RIMBP2: variants seen among roughly 807,000 people sequenced by gnomAD.
The protein encoded by RIMBP2 is RIMS binding protein 2, also known as RIMS-binding protein 2.
In RIMBP2, 48 loss-of-function variants were observed where a neutral mutation model predicts 118.6. That is an observed-to-expected ratio of 0.40 (90% CI 0.32 to 0.51). The LOEUF is 0.51. Ranked by LOEUF, RIMBP2 falls within the 20% of genes least tolerant of loss-of-function variation. The pLI, the probability that RIMBP2 is intolerant of heterozygous loss-of-function variation, is 0.41. For synonymous variants in RIMBP2, 762 were observed against 742.9 expected, an observed-to-expected ratio of 1.03 and a Z score of -0.42; for missense variants, 1,551 against 1,768.3, an observed-to-expected ratio of 0.88 and a Z score of 2.20.
intron 2 of RIMBP2, among the ~76,000 whole-genome samples, chr12:130,548,303 C>T (rs2055373814): frequency 6.6e-6 from 1 of 152,164 alleles, no homozygotes; most frequent in African/African-American, 2.4e-5. Flanking sequence ...TTCTCATCTT[C>T]CCCTTTGCCA....
At chr12:130,530,960 C>G (rs1047212010) in intron 2 of RIMBP2, among the ~76,000 whole-genome samples, 1 of 152,232 alleles carries the variant, frequency 6.6e-6, no homozygotes, top group Non-Finnish European at 1.5e-5. Flanking sequence ...GTTGCCTGCT[C>G]ATTCAAGATG....
rs1236181266 is a variant in RIMBP2 at position 130,412,492 on chromosome 12, T to C, written c.3589+127A>G. The C allele has an allele frequency of 6.7e-5, 60 of 896,328 alleles. No individual in the cohort carries two copies. In the East Asian group the frequency reaches 1.4e-3, roughly 21 times the overall value. The allele number at this position is 896,328 out of a possible 1,614,324, so 55.5% of individuals were successfully genotyped here. ...GCCCAAGAAAAATCACTGGTCAACA[T>C]TTACATGACTTTGGCATATTTAAAT... On this transcript the variant is annotated intron_variant, in intron 19 of 22. Transcript: ENST00000690449.
chr12:130,568,505 A>G (rs1355489039), intron 2 of RIMBP2, among the ~76,000 whole-genome samples: 1 of 152,160 alleles, frequency 6.6e-6, no homozygotes, highest in Non-Finnish European at 1.5e-5. Flanking sequence ...CAGCCTTTTG[A>G]TCCTGACTTC....
intron 1 of RIMBP2, among the ~76,000 whole-genome samples, chr12:130,700,978 C>A (rs1339170598): frequency 6.6e-6 from 1 of 152,214 alleles, no homozygotes; most frequent in African/African-American, 2.4e-5. Flanking sequence ...GTGTGTGTGC[C>A]ACATGTAACA....
chr12:130,535,006 G>C (rs921871227), intron 2 of RIMBP2, among the ~76,000 whole-genome samples: 1 of 152,176 alleles, frequency 6.6e-6, no homozygotes, highest in African/African-American at 2.4e-5. Context: ...GACGATGCTG[G>C]TGACTAAGGA....
chr12:130,643,990 G>C (rs1201208263), intron 1 of RIMBP2, among the ~76,000 whole-genome samples: 2 of 152,218 alleles, frequency 1.3e-5, no homozygotes, highest in Non-Finnish European at 2.9e-5. Context: ...GACAGAGACA[G>C]AGAGAGATCC....
At chr12:130,645,741 C>T (rs1480682561) in intron 1 of RIMBP2, among the ~76,000 whole-genome samples, 1 of 152,234 alleles carries the variant, frequency 6.6e-6, no homozygotes, top group Non-Finnish European at 1.5e-5. Flanking sequence ...TGCCTGATCT[C>T]TTCCTTATCG....
intron 2 of RIMBP2, among the ~76,000 whole-genome samples, chr12:130,521,314 C>G (rs79812000): frequency 0.064 from 9,806 of 152,308 alleles, 366 homozygotes; most frequent in Middle Eastern, 0.15. Context: ...CGCTTGAGAT[C>G]AGAAGGCCTC....
At chr12:130,585,477 T>C (rs1376869288) in intron 2 of RIMBP2, among the ~76,000 whole-genome samples, 1 of 151,966 alleles carries the variant, frequency 6.6e-6, no homozygotes, top group Non-Finnish European at 1.5e-5. Context: ...CAGGTTGTGG[T>C]CATATGTGCC....
At position 130,532,711 on chromosome 12, in the gene RIMBP2, ACG is replaced by A. The variant is rs1438333599; in HGVS notation, c.-216-14796_-216-14795del. Among the ~76,000 whole-genome samples the A allele has an allele frequency of 4.9e-5, 6 of 123,404 alleles. 1 individual carries two copies. The highest frequency in any genetic ancestry group is 1.0e-4 in the Non-Finnish European group (6 of 57,470). 81.0% of individuals were successfully genotyped at this position (123,404 alleles called of 152,430 possible). ...TGCGTGTGTTCAGCCTCTAGGAGTT[ACG>A]TCTAATGAGATGTGTGTGTTCAGCC... On this transcript the variant is annotated intron_variant, in intron 2 of 22. Coordinates refer to ENST00000690449, the MANE Select transcript of RIMBP2 (RefSeq NM_001393629.1).
Position 130,469,533 on chromosome 12 carries a change from C to A in RIMBP2, c.153+1160G>T, listed in dbSNP as rs933142801. On this transcript the variant is annotated intron_variant, in intron 6 of 22. Coordinates refer to ENST00000690449, the MANE Select transcript of RIMBP2 (RefSeq NM_001393629.1). This position sits in a 1 kb window ranked among gnomAD's most constrained non-coding sequence, Gnocchi z 4.8. The stretch of plus-strand genomic sequence containing the variant: ...TAAATGGCCATTTGGAGGTCTGTTT[C>A]TATTCTCCCAGGTTATATATTTTCC... 2.0e-5 allele frequency among the ~76,000 whole-genome samples: 3 copies of A among 152,168 alleles called. No homozygotes were observed. The highest frequency in any genetic ancestry group is 4.4e-5 in the Non-Finnish European group (3 of 68,026).
intron 4 of RIMBP2, among the ~76,000 whole-genome samples, chr12:130,491,001 A>T (rs558230614): frequency 6.6e-6 from 1 of 152,298 alleles, no homozygotes; most frequent in South Asian, 2.1e-4. Context: ...ATCACAGATC[A>T]CCACCTACAA....
chr12:130,496,826 C>T lies in RIMBP2; in HGVS notation c.-4+9822G>A, dbSNP rs556174490. Among the ~76,000 whole-genome samples, 142 of 152,268 alleles carry T rather than the reference C, an allele frequency of 9.3e-4. 1 individual carries two copies. The highest frequency in any genetic ancestry group is 3.1e-3 in the African/African-American group (129 of 41,558). On this transcript the variant is annotated intron_variant, in intron 4 of 22. Transcript: ENST00000690449. ...TGTCCTCTCCCTGAGGAGTGGGACC[C>T]TCAAGTTGTTCTGCCCAGGCCATCA...
chr12:130,673,378 T>C (rs965803063), intron 1 of RIMBP2, among the ~76,000 whole-genome samples: 5 of 152,122 alleles, frequency 3.3e-5, no homozygotes, highest in Non-Finnish European at 7.4e-5. Context: ...AAACAAATGG[T>C]CGGTACCCCC....
Position 130,431,370 on chromosome 12 carries a change from A to G in RIMBP2, c.2254-3033T>C. 2.8e-6 allele frequency: 1 copy of G among 360,162 alleles called. No homozygotes were observed. The highest frequency in any genetic ancestry group is 5.8e-6 in the Non-Finnish European group (1 of 171,584). 22.3% of individuals were successfully genotyped at this position (360,162 alleles called of 1,614,324 possible). On this transcript the variant is annotated intron_variant, in intron 14 of 22. Coordinates refer to ENST00000690449, the MANE Select transcript of RIMBP2 (RefSeq NM_001393629.1). This position sits in a 1 kb window ranked among gnomAD's most constrained non-coding sequence, Gnocchi z 4.0. Reference sequence around the variant, plus strand: ...GTCAGGGAACACTTCCCGGGTTGTAAAACTGGCAGTCTGTGCACCAGCTCA... The same window carrying G: ...GTCAGGGAACACTTCCCGGGTTGTAGAACTGGCAGTCTGTGCACCAGCTCA...
chr12:130,676,414 A>G (rs4526801), intron 1 of RIMBP2, among the ~76,000 whole-genome samples: 1,884 of 151,814 alleles, frequency 0.012, 37 homozygotes, highest in Admixed American at 0.05. Context: ...CACAAGGTCC[A>G]GAGATGGAGA....
chr12:130,672,647 G>A (rs971274647), intron 1 of RIMBP2, among the ~76,000 whole-genome samples: 2 of 152,196 alleles, frequency 1.3e-5, no homozygotes, highest in Admixed American at 1.3e-4. Flanking sequence ...TCCACGGGGG[G>A]TTGCAGAGGC....
intron 4 of RIMBP2, among the ~76,000 whole-genome samples, chr12:130,479,948 A>AATGGGACC (rs2081815555): frequency 6.6e-6 from 1 of 151,302 alleles, no homozygotes; most frequent in Non-Finnish European, 1.5e-5. Flanking sequence ...CAGAGTCACC[A>AATGGGACC]CTGGGACCCT....
intron 2 of RIMBP2, among the ~76,000 whole-genome samples, chr12:130,550,978 A>G (rs940237316): frequency 6.6e-6 from 1 of 152,216 alleles, no homozygotes; most frequent in Non-Finnish European, 1.5e-5. Context: ...TGTGTCTAAA[A>G]TGTGGTGACA....
Sources: gnomAD v4.1 joint callset for allele counts (sites outside exome capture counted in the v4.1 genomes callset) on GRCh38, gnomAD v4.1.1 for gene constraint, Gnocchi (gnomAD v3.1) non-coding constraint, MANE v1.5 for transcripts, NCBI Gene and HGNC (gene_info 2026-07-23, HGNC 2026-07-21) for gene names.